Variants in HPGDS observed in about 807,000 individuals in gnomAD.
HPGDS encodes the protein hematopoietic prostaglandin D synthase, also known as GST class-sigma.
HPGDS carries 26 observed loss-of-function variants against 23.1 expected under a neutral mutation model. The observed-to-expected ratio is 1.13, with a 90% CI of 0.83 to 1.56. The LOEUF (loss-of-function observed/expected upper bound fraction) is 1.56, where lower values mean the gene tolerates loss of function less well. Among genes scored for constraint, HPGDS ranks in the 40% most tolerant of loss-of-function variants. HPGDS has a pLI of 0.00. For synonymous variants in HPGDS, 95 were observed against 77.9 expected (o/e 1.22, Z -1.16); for missense variants, 268 against 236.4 (o/e 1.13, Z -0.88).
At chr4:94,323,433 A>T (rs1756558708) in intron 2 of HPGDS, among the ~76,000 whole-genome samples, 1 of 152,178 alleles carries the variant, frequency 6.6e-6, no homozygotes, top group African/African-American at 2.4e-5. Context: ...TTGGTTTATG[A>T]ATCTGGATGC....
intron 3 of HPGDS, among the ~76,000 whole-genome samples, chr4:94,314,425 G>A (rs1226683788): frequency 1.3e-5 from 2 of 152,168 alleles, no homozygotes; most frequent in African/African-American, 2.4e-5. Flanking sequence ...TTTTGCCTGG[G>A]TATCAGCAGC....
intron 2 of HPGDS, among the ~76,000 whole-genome samples, chr4:94,319,843 T>G (rs369964589): frequency 1.3e-5 from 2 of 152,194 alleles, no homozygotes; most frequent in African/African-American, 2.4e-5. Context: ...ACATGTGCCA[T>G]GTTGGTGTGC....
intron 2 of HPGDS, among the ~76,000 whole-genome samples, chr4:94,332,068 TAA>T (rs906762909): frequency 6.6e-6 from 1 of 152,106 alleles, no homozygotes; most frequent in Non-Finnish European, 1.5e-5. Flanking sequence ...CGTGTGCCTA[TAA>T]ATACTTCAGA....
chr4:94,331,796 C>A (rs969072824), intron 2 of HPGDS, among the ~76,000 whole-genome samples: 6 of 152,110 alleles, frequency 3.9e-5, no homozygotes, highest in South Asian at 2.1e-4. Context: ...CATGCTTATT[C>A]TAGGGACGAG....
intron 3 of HPGDS, among the ~76,000 whole-genome samples, chr4:94,312,092 C>T: frequency 6.6e-6 from 1 of 152,110 alleles, no homozygotes; most frequent in East Asian, 1.9e-4. Context: ...AAAATAAGCT[C>T]CTGGATTCAT....
chr4:94,340,315 T>TTCTTTTC (rs1560598057), intron 1 of HPGDS, among the ~76,000 whole-genome samples: 17 of 10,068 alleles, frequency 1.7e-3, no homozygotes, highest in East Asian at 4.1e-3. Context: ...CTTTCTCTTT[T>TTCTTTTC]TTTTTTTTTT....
chr4:94,323,061 A>G (rs1756550040), intron 2 of HPGDS, among the ~76,000 whole-genome samples: 1 of 152,100 alleles, frequency 6.6e-6, no homozygotes, highest in Non-Finnish European at 1.5e-5. Context: ...GTTTCCATGT[A>G]TTTGTGTGGT....
At position 94,308,731 on chromosome 4, in the gene HPGDS, T is replaced by C. The variant is rs771751525; in HGVS notation, c.239A>G (p.Asn80Ser). ...YLTKNTDLAG[N>S]TEMEQCHVDA... Reference sequence around the variant, plus strand: ...AACATGACATTGTTCCATTTCTGTGTTTCCAGCCAAATCTGTGGAATAGAG... The same window carrying C: ...AACATGACATTGTTCCATTTCTGTGCTTCCAGCCAAATCTGTGGAATAGAG... The change falls in exon 4 of 6, where the codon AAC (asparagine) becomes AGC (serine). Residue 80 changes from asparagine (N) to serine (S), a missense_variant. Coordinates refer to ENST00000295256, the MANE Select transcript of HPGDS (RefSeq NM_014485.3). 6.3e-7 allele frequency: 1 copy of C among 1,588,452 alleles called. No homozygotes were observed. The highest frequency in any genetic ancestry group is 8.6e-7 in the Non-Finnish European group (1 of 1,158,802).
chr4:94,300,026 C>G (rs1425709189), intron 5 of HPGDS, among the ~76,000 whole-genome samples: 1 of 152,208 alleles, frequency 6.6e-6, no homozygotes, highest in Admixed American at 6.5e-5. Flanking sequence ...AAAGCAGGAT[C>G]TATTCCAGGT....
At chr4:94,318,116 T>C in intron 2 of HPGDS, 151 bp from the exon 3 acceptor site, 2 of 625,378 alleles carry the variant, frequency 3.2e-6, no homozygotes, top group South Asian at 1.9e-5. Context: ...CAACTTGTAG[T>C]GGAATATTTA....
At chr4:94,330,671 G>T (rs940380717) in intron 2 of HPGDS, among the ~76,000 whole-genome samples, 1 of 152,014 alleles carries the variant, frequency 6.6e-6, no homozygotes, top group African/African-American at 2.4e-5. Flanking sequence ...CCTAAACTGA[G>T]CCTCAAGTTT....
chr4:94,340,887 C>G (rs189143439), intron 1 of HPGDS, among the ~76,000 whole-genome samples: 4,181 of 140,240 alleles, frequency 0.03, 262 homozygotes, highest in African/African-American at 0.11. Context: ...CTCTGTCGCC[C>G]AGGCTGGAGT....
intron 1 of HPGDS, among the ~76,000 whole-genome samples, chr4:94,340,234 G>T (rs1384478303): frequency 6.8e-6 from 1 of 146,432 alleles, no homozygotes; most frequent in African/African-American, 2.5e-5. Context: ...GGGATTACAG[G>T]TGTGAGCCAC....
rs1755986883 is a variant in HPGDS, at chr4:94,299,431, TGA to T, written c.*47_*48del. 1.3e-6 allele frequency: 2 copies of T among 1,540,214 alleles called. No individual in the cohort carries two copies. The highest frequency in any genetic ancestry group is 1.9e-5 in the Admixed American group (1 of 53,650). ...AGGCTGATGTAGCTGTCTTATCTGA[TGA>T]GAGAGATGCCCCCGAGAAAAACAAA... On this transcript the variant is annotated 3_prime_UTR_variant, in exon 6 of 6. Coordinates refer to ENST00000295256, the MANE Select transcript of HPGDS (RefSeq NM_014485.3).
At chr4:94,305,800 T>G (rs569750130) in intron 4 of HPGDS, among the ~76,000 whole-genome samples, 39 of 152,218 alleles carry the variant, frequency 2.6e-4, no homozygotes, top group African/African-American at 9.2e-4. Flanking sequence ...GCAGTTTCAT[T>G]CTAAAGGAAT....
At chr4:94,317,160 G>A (rs1459598674) in intron 3 of HPGDS, among the ~76,000 whole-genome samples, 1 of 152,110 alleles carries the variant, frequency 6.6e-6, no homozygotes, top group Non-Finnish European at 1.5e-5. Flanking sequence ...GGGGAGATAG[G>A]TTTCAGAGAA....
At chr4:94,317,778 A>G in intron 3 of HPGDS, 95 bp downstream of exon 3, 2 of 708,766 alleles carry the variant, frequency 2.8e-6, no homozygotes, top group Non-Finnish European at 4.9e-6. Context: ...TATTTGTACT[A>G]TAGTATGCTA....
chr4:94,311,675 C>A (rs1322763163), intron 3 of HPGDS, among the ~76,000 whole-genome samples: 1 of 151,414 alleles, frequency 6.6e-6, no homozygotes, highest in Non-Finnish European at 1.5e-5. Context: ...GGAGGATTCC[C>A]TCTTTTTCTA....
At chr4:94,341,133 G>C (rs904050229) in intron 1 of HPGDS, among the ~76,000 whole-genome samples, 1 of 152,030 alleles carries the variant, frequency 6.6e-6, no homozygotes, top group Non-Finnish European at 1.5e-5. Context: ...ACCTCGCCCG[G>C]CCAAACTTTT....
Sources: allele counts gnomAD v4.1 joint callset (sites outside exome capture counted in the v4.1 genomes callset), GRCh38; gene constraint gnomAD v4.1.1; transcripts MANE v1.5; gene names NCBI Gene and HGNC (gene_info 2026-07-23, HGNC 2026-07-21).